Variants in LHFPL3 observed in about 807,000 individuals in gnomAD.
LHFPL3 encodes LHFPL tetraspan subfamily member 3.
A neutral mutation model predicts 19.3 loss-of-function variants in LHFPL3; 5 were observed. The ratio of observed to expected loss-of-function variants is 0.26; its 90% CI spans 0.14 to 0.54. The LOEUF (loss-of-function observed/expected upper bound fraction) is 0.54, where lower values mean the gene tolerates loss of function less well. Among genes scored for constraint, LHFPL3 ranks in the 20% least tolerant of loss-of-function variants. The pLI is 0.94. For missense variants in LHFPL3, 249 were observed against 307.4 expected (o/e 0.81, Z 1.42); for synonymous variants, 133 against 126.2 (o/e 1.05, Z -0.36).
At chr7:104,523,086 A>G (rs910184773) in intron 1 of LHFPL3, among the ~76,000 whole-genome samples, 4 of 109,612 alleles carry the variant, frequency 3.6e-5, no homozygotes, top group Non-Finnish European at 8.0e-5. Context: ...TATGCATGTT[A>G]TATATACATA....
At chr7:104,500,294 C>G (rs1793575855) in intron 1 of LHFPL3, among the ~76,000 whole-genome samples, 1 of 152,128 alleles carries the variant, frequency 6.6e-6, no homozygotes, top group South Asian at 2.1e-4. Context: ...TCCTTCTAAT[C>G]AACTGGAGAT....
intron 2 of LHFPL3, among the ~76,000 whole-genome samples, chr7:104,854,030 T>C (rs983218920): frequency 5.3e-5 from 8 of 152,214 alleles, no homozygotes; most frequent in Non-Finnish European, 1.0e-4. Context: ...TTTTACCCTT[T>C]TGAGTTCTTA....
chr7:104,508,385 C>G, intron 1 of LHFPL3, among the ~76,000 whole-genome samples: 1 of 147,074 alleles, frequency 6.8e-6, no homozygotes, highest in African/African-American at 2.5e-5. Context: ...CGCATATTCT[C>G]ACTCATAGGT....
At chr7:104,702,342 T>G (rs1030119999) in intron 1 of LHFPL3, among the ~76,000 whole-genome samples, 5 of 152,178 alleles carry the variant, frequency 3.3e-5, no homozygotes, top group Non-Finnish European at 7.3e-5. Flanking sequence ...TATTTTGGAT[T>G]CCTTCAGTGT....
At chr7:104,571,139 T>C (rs2115988729) in intron 1 of LHFPL3, among the ~76,000 whole-genome samples, 1 of 152,346 alleles carries the variant, frequency 6.6e-6, no homozygotes, top group East Asian at 1.9e-4. Flanking sequence ...AAAAACCTCT[T>C]ATGAACCCTT....
intron 1 of LHFPL3, among the ~76,000 whole-genome samples, chr7:104,339,350 C>T (rs34597772): frequency 0.24 from 36,622 of 152,084 alleles, 5,097 homozygotes; most frequent in East Asian, 0.4. Flanking sequence ...CTACAAGGTT[C>T]GTATTATACC....
chr7:104,496,485 A>C (rs1467502134), intron 1 of LHFPL3, among the ~76,000 whole-genome samples: 1 of 152,194 alleles, frequency 6.6e-6, no homozygotes, highest in East Asian at 1.9e-4. Context: ...GTATATACCC[A>C]GTAATGGGAT....
chr7:104,471,778 A>G (rs1792911193), intron 1 of LHFPL3, among the ~76,000 whole-genome samples: 1 of 152,204 alleles, frequency 6.6e-6, no homozygotes, highest in South Asian at 2.1e-4. Flanking sequence ...GTTTGGATTC[A>G]TACTTTGAAA....
intron 1 of LHFPL3, among the ~76,000 whole-genome samples, chr7:104,447,037 A>G (rs1792343319): frequency 6.6e-6 from 1 of 152,242 alleles, no homozygotes; most frequent in East Asian, 1.9e-4. Context: ...TTTCGGAAAC[A>G]CAGACGTGAA....
At chr7:104,607,337 C>T (rs1044619778) in intron 1 of LHFPL3, among the ~76,000 whole-genome samples, 1 of 152,192 alleles carries the variant, frequency 6.6e-6, no homozygotes, top group Non-Finnish European at 1.5e-5. Flanking sequence ...AATGGAGTTT[C>T]AATCACAGAG....
At chr7:104,534,707 T>G (rs1794362453) in intron 1 of LHFPL3, among the ~76,000 whole-genome samples, 1 of 152,206 alleles carries the variant, frequency 6.6e-6, no homozygotes, top group South Asian at 2.1e-4. Flanking sequence ...CTACTTGGTA[T>G]TTACACCTTT....
chr7:104,872,283 G>A (rs551455139), intron 2 of LHFPL3, among the ~76,000 whole-genome samples: 17 of 151,556 alleles, frequency 1.1e-4, no homozygotes, highest in Non-Finnish European at 2.4e-4. Context: ...CTTGCAGTGA[G>A]CCGAGATTGT....
chr7:104,333,928 T>TA (rs1474748693), intron 1 of LHFPL3, among the ~76,000 whole-genome samples: 1 of 152,258 alleles, frequency 6.6e-6, no homozygotes, highest in African/African-American at 2.4e-5. Flanking sequence ...CTGTGACACT[T>TA]ACGGACTGTG....
chr7:104,807,011 A>ATGTGTGTGTG (rs10665231), intron 2 of LHFPL3, among the ~76,000 whole-genome samples: 5,528 of 139,642 alleles, frequency 0.04, 157 homozygotes, highest in Non-Finnish European at 0.044. Flanking sequence ...CAAAATATAT[A>ATGTGTGTGTG]TGTGTGTGTG....
chr7:104,599,619 A>C (rs1790926732), intron 1 of LHFPL3, among the ~76,000 whole-genome samples: 1 of 152,240 alleles, frequency 6.6e-6, no homozygotes, highest in Admixed American at 6.5e-5. Flanking sequence ...CACCAAGAAT[A>C]TGAGAATGAA....
Position 104,399,352 on chromosome 7 carries a change from G to GCT in LHFPL3, c.445+70131_445+70132dup, listed in dbSNP as rs747159401. ...TACGATTAAATGTAACTTTACTATT[G>GCT]CTCTGATAATTTTTTTCCCATTTAT... On this transcript the variant is annotated intron_variant, in intron 1 of 2. Coordinates refer to ENST00000424859, the MANE Select transcript of LHFPL3 (RefSeq NM_199000.3). This position sits in a 1 kb window ranked among gnomAD's most constrained non-coding sequence, Gnocchi z 4.4. 4.5e-4 allele frequency among the ~76,000 whole-genome samples: 68 copies of GCT among 152,102 alleles called. 2 individuals carry two copies. Among genetic ancestry groups the GCT allele is most frequent in the Non-Finnish European group, 1.2e-4 (8 of 68,016 alleles).
chr7:104,635,513 A>G (rs1014275464), intron 1 of LHFPL3, among the ~76,000 whole-genome samples: 1 of 152,212 alleles, frequency 6.6e-6, no homozygotes, highest in Non-Finnish European at 1.5e-5. Flanking sequence ...TCTGGAAGAC[A>G]ATAGAACAAT....
intron 2 of LHFPL3, among the ~76,000 whole-genome samples, chr7:104,860,325 A>C (rs1448049535): frequency 6.6e-6 from 1 of 152,204 alleles, no homozygotes; most frequent in African/African-American, 2.4e-5. Flanking sequence ...TGAACCTTGC[A>C]TGGTGTAGTT....
At position 104,887,810 on chromosome 7, in the gene LHFPL3, A is replaced by G. The variant is rs116921068; in HGVS notation, c.683-18377A>G. ...AAAGCTTAAAGGAAGAATGCTGGAA[A>G]GAGTTCAATGAGAGCTGAAATCCTG... On this transcript the variant is annotated intron_variant, in intron 2 of 2. Transcript: ENST00000424859. Among the ~76,000 whole-genome samples the G allele has an allele frequency of 4.6e-3, 699 of 152,350 alleles. 12 individuals carry two copies. Among genetic ancestry groups the G allele is most frequent in the East Asian group, 0.036 (186 of 5,192 alleles).
Sources: allele counts gnomAD v4.1 joint callset (sites outside exome capture counted in the v4.1 genomes callset), GRCh38; gene constraint gnomAD v4.1.1; non-coding constraint Gnocchi (gnomAD v3.1); transcripts MANE v1.5; gene names NCBI Gene and HGNC (gene_info 2026-07-23, HGNC 2026-07-21).